CSMD1: variants seen among roughly 807,000 people sequenced by gnomAD.
CSMD1 encodes CUB and Sushi multiple domains 1.
A neutral mutation model predicts 417.5 loss-of-function variants in CSMD1; 213 were observed. That is an observed-to-expected ratio of 0.51 (90% CI 0.46 to 0.57). The LOEUF is 0.57. Among genes scored for constraint, CSMD1 ranks in the 20% least tolerant of loss-of-function variants. The pLI, the probability that CSMD1 is intolerant of heterozygous loss-of-function variation, is 0.00. For missense variants in CSMD1, 6,923 were observed against 4,529.7 expected (o/e 1.53, Z -15.17); for synonymous variants, 2,862 against 1,736.8 (o/e 1.65, Z -16.11).
At chr8:4,131,808 G>C (rs898113712) in intron 3 of CSMD1, among the ~76,000 whole-genome samples, 1 of 124,186 alleles carries the variant, frequency 8.1e-6, no homozygotes, top group Admixed American at 1.1e-4. Flanking sequence ...TGTCACCCAG[G>C]CTGGACTGCA....
chr8:3,206,543 G>A (rs1008335825), intron 30 of CSMD1, among the ~76,000 whole-genome samples: 14 of 135,906 alleles, frequency 1.0e-4, no homozygotes, highest in African/African-American at 1.1e-4. Context: ...ATGTGTGTGT[G>A]GGAGGTTATG....
Position 4,184,189 on chromosome 8 carries a change from C to A in CSMD1, c.416-152090G>T, listed in dbSNP as rs542816934. ...AAGCAATGGAAATGTTATATTAAAT[C>A]TGTGTCAGTCTGAGCCTAAGAGTAT... On this transcript the variant is annotated intron_variant, in intron 3 of 69. Transcript: ENST00000635120. Among the ~76,000 whole-genome samples, 14 of 152,260 alleles carry A rather than the reference C, an allele frequency of 9.2e-5. No homozygotes were observed. In the East Asian group the frequency reaches 2.7e-3, roughly 29 times the overall value.
chr8:4,837,614 G>T (rs1283128832), intron 1 of CSMD1, among the ~76,000 whole-genome samples: 1 of 152,092 alleles, frequency 6.6e-6, no homozygotes, highest in African/African-American at 2.4e-5. Context: ...AGGCTGGGAA[G>T]GACAGTAGGG....
chr8:3,563,979 A>G (rs919257073), intron 10 of CSMD1, among the ~76,000 whole-genome samples: 2 of 152,178 alleles, frequency 1.3e-5, no homozygotes, highest in Admixed American at 1.3e-4. Context: ...CATTCTGAGT[A>G]TACGATCATT....
At chr8:3,511,073 C>T (rs972237307) in intron 10 of CSMD1, among the ~76,000 whole-genome samples, 1 of 151,800 alleles carries the variant, frequency 6.6e-6, no homozygotes, top group Non-Finnish European at 1.5e-5. Flanking sequence ...ACTTGATGTC[C>T]TTTGCAGGGA....
chr8:3,895,009 T>A, intron 5 of CSMD1, among the ~76,000 whole-genome samples: 1 of 152,186 alleles, frequency 6.6e-6, no homozygotes, highest in South Asian at 2.1e-4. Context: ...GAAAGCAGCT[T>A]AGTGGAGGCC....
At chr8:3,881,618 AAAAAC>A (rs1263119067) in intron 5 of CSMD1, among the ~76,000 whole-genome samples, 12 of 139,174 alleles carry the variant, frequency 8.6e-5, no homozygotes, top group South Asian at 2.2e-4. Flanking sequence ...CAAAAAAAAA[AAAAAC>A]AAAAACAAAA....
At chr8:3,454,495 T>A (rs1031922241) in intron 12 of CSMD1, among the ~76,000 whole-genome samples, 8 of 152,228 alleles carry the variant, frequency 5.3e-5, no homozygotes, top group African/African-American at 1.9e-4. Context: ...GGAGCTCTTT[T>A]AGGGCAGGAC....
chr8:3,686,873 C>G (rs1563272816), intron 7 of CSMD1, among the ~76,000 whole-genome samples: 1 of 152,166 alleles, frequency 6.6e-6, no homozygotes, highest in Non-Finnish European at 1.5e-5. Flanking sequence ...TCCTGTTAAT[C>G]TTTCTTATGT....
intron 3 of CSMD1, among the ~76,000 whole-genome samples, chr8:4,143,398 A>C: frequency 6.7e-6 from 1 of 148,352 alleles, no homozygotes. Flanking sequence ...GCTACAGACT[A>C]AGTTAATTAG....
intron 1 of CSMD1, among the ~76,000 whole-genome samples, chr8:4,879,263 G>T (rs754550227): frequency 1.3e-5 from 2 of 152,008 alleles, no homozygotes; most frequent in Non-Finnish European, 2.9e-5. Flanking sequence ...TTGCGGAAAT[G>T]GAATAGGGGA....
At chr8:4,545,694 T>A (rs769622591) in intron 2 of CSMD1, among the ~76,000 whole-genome samples, 1 of 152,140 alleles carries the variant, frequency 6.6e-6, no homozygotes, top group African/African-American at 2.4e-5. Context: ...CACTATTTTC[T>A]CTGTTAAAGC....
chr8:3,064,100 C>G (rs1812764289), intron 49 of CSMD1, among the ~76,000 whole-genome samples: 1 of 152,168 alleles, frequency 6.6e-6, no homozygotes, highest in Admixed American at 6.5e-5. Context: ...AATGAAGCAG[C>G]AAGCACAGCT....
At chr8:4,000,022 A>C (rs913256868) in intron 4 of CSMD1, among the ~76,000 whole-genome samples, 2 of 152,258 alleles carry the variant, frequency 1.3e-5, no homozygotes, top group Non-Finnish European at 2.9e-5. Context: ...ACCAAACACG[A>C]ATAAAAATAA....
At chr8:3,349,382 GC>G (rs1808239758) in intron 21 of CSMD1, among the ~76,000 whole-genome samples, 1 of 152,064 alleles carries the variant, frequency 6.6e-6, no homozygotes, top group Non-Finnish European at 1.5e-5. Context: ...ATCCATGATT[GC>G]CCCCCAGTGA....
chr8:3,283,190 A>C (rs1405495239), intron 26 of CSMD1, among the ~76,000 whole-genome samples: 2 of 152,120 alleles, frequency 1.3e-5, no homozygotes, highest in Non-Finnish European at 2.9e-5. Flanking sequence ...AAGGTGGAAA[A>C]AAAATTCACG....
chr8:3,104,994 C>T (rs1478811173), intron 46 of CSMD1, among the ~76,000 whole-genome samples: 1 of 152,206 alleles, frequency 6.6e-6, no homozygotes, highest in East Asian at 1.9e-4. Context: ...GCGTGCGCCA[C>T]CGCGCCCGGC....
chr8:4,533,373 C>T (rs919737329), intron 2 of CSMD1, among the ~76,000 whole-genome samples: 6 of 152,108 alleles, frequency 3.9e-5, no homozygotes, highest in African/African-American at 1.4e-4. Flanking sequence ...TGTATTTGAT[C>T]CCAGAGCTGT....
chr8:4,450,704 G>A (rs1345914751), intron 2 of CSMD1, among the ~76,000 whole-genome samples: 3 of 152,102 alleles, frequency 2.0e-5, no homozygotes, highest in Non-Finnish European at 4.4e-5. Context: ...ACACATCACA[G>A]AGTTTTAATA....
Sources: allele counts gnomAD v4.1 joint callset (sites outside exome capture counted in the v4.1 genomes callset), GRCh38; gene constraint gnomAD v4.1.1; transcripts MANE v1.5; gene names NCBI Gene and HGNC (gene_info 2026-07-23, HGNC 2026-07-21).